PCDHGA8: variants seen among roughly 807,000 people sequenced by gnomAD.
PCDHGA8 encodes protocadherin gamma-A8.
A neutral mutation model predicts 59.2 loss-of-function variants in PCDHGA8; 45 were observed. That is an observed-to-expected ratio of 0.76 (90% confidence interval 0.60 to 0.98). PCDHGA8 has a LOEUF of 0.98. PCDHGA8 is among the 50% of genes least tolerant of loss of function. The probability of loss-of-function intolerance (pLI) is 0.00; values close to 1 mark genes in which losing one functional copy is unlikely to be tolerated. For synonymous variants in PCDHGA8, 531 were observed against 519.0 expected (o/e 1.02, Z -0.32); for missense variants, 1,257 against 1,196.2 (o/e 1.05, Z -0.75).
Position 141,414,991 on chromosome 5 carries a change from G to A in PCDHGA8, c.2424+19754G>A, listed in dbSNP as rs1162432290. ...GGTGGACAGAGACTCCGGCCAGAAC[G>A]CCTGGCTGTCCTACCGTCTGCTCAA... On this transcript the variant is annotated intron_variant, in intron 1 of 3. Transcript: ENST00000398604. 10 of 1,613,648 alleles carry A rather than the reference G, an allele frequency of 6.2e-6. No homozygotes were observed. The Admixed American group carries it at 1.2e-4, about 19-fold the overall frequency.
rs147783721 is a variant in PCDHGA8 at position 141,404,989 on chromosome 5, G to A, written c.2424+9752G>A. 5 of 1,614,046 alleles carry A rather than the reference G, an allele frequency of 3.1e-6. No homozygotes were observed. The South Asian group carries it at 4.4e-5, about 14-fold the overall frequency. On this transcript the variant is annotated intron_variant, in intron 1 of 3. Coordinates refer to ENST00000398604, the MANE Select transcript of PCDHGA8 (RefSeq NM_032088.2). The stretch of plus-strand genomic sequence containing the variant: ...TCCTGGCTGACCTGGGCAGTCTTCA[G>A]ATCCCTGCAGACCTGGAGGCCTCAG...
At chr5:141,397,756 A>AT (rs1283531463) in intron 1 of PCDHGA8, among the ~76,000 whole-genome samples, 1 of 152,210 alleles carries the variant, frequency 6.6e-6, no homozygotes, top group Admixed American at 6.5e-5. Context: ...AGTTGTTATA[A>AT]TTTTTTATTA....
Position 141,415,142 on chromosome 5 carries a change from C to A in PCDHGA8, c.2424+19905C>A, listed in dbSNP as rs757516335. On this transcript the variant is annotated intron_variant, in intron 1 of 3. Coordinates refer to ENST00000398604, the MANE Select transcript of PCDHGA8 (RefSeq NM_032088.2). The stretch of plus-strand genomic sequence containing the variant: ...GTGGCCGTCCAGGACCACGGCCAGC[C>A]CCCTCTCTCCGCCACTGTCACGCTC... 10 of 1,613,732 alleles carry A rather than the reference C, an allele frequency of 6.2e-6. 1 individual carries two copies. In the South Asian group the frequency reaches 1.1e-4, roughly 18 times the overall value.
chr5:141,468,681 A>G (rs1415798588), intron 1 of PCDHGA8: 1 of 151,830 alleles, frequency 6.6e-6, no homozygotes, highest in African/African-American at 2.4e-5. Flanking sequence ...CCTGGCTAAC[A>G]CGGTGAAACC....
intron 1 of PCDHGA8, chr5:141,398,010 G>T (rs10045443): frequency 0.24 from 331,899 of 1,407,782 alleles, 42,930 homozygotes; most frequent in African/African-American, 0.51. Flanking sequence ...AAAAAGAATC[G>T]TTTCCTAAAC....
rs1431851304 is a variant in PCDHGA8, at chr5:141,395,196, G to A, written c.2383G>A (p.Val795Ile). 5.0e-6 allele frequency: 8 copies of A among 1,613,948 alleles called. No individual in the cohort carries two copies. The highest frequency in any genetic ancestry group is 1.7e-5 in the Admixed American group (1 of 60,022). ...GAAAAATGATTCTTTGTTAACATCCGTAGATTTTCATGAATATAAGAATGA... is the reference window on the plus strand; with the variant it reads ...GAAAAATGATTCTTTGTTAACATCCATAGATTTTCATGAATATAAGAATGA... ...CEKNDSLLTS[V>I]DFHEYKNEAD... Residue 795 changes from valine to isoleucine, a missense_variant, in exon 1 of 4, where the codon GTA becomes ATA. Physicochemically the swap from Val to Ile is conservative, Grantham distance 29. Coordinates refer to ENST00000398604, the MANE Select transcript of PCDHGA8 (RefSeq NM_032088.2).
chr5:141,405,439 A>G (rs1285285172), intron 1 of PCDHGA8: 1 of 1,423,798 alleles, frequency 7.0e-7, no homozygotes, highest in Admixed American at 2.0e-5. Context: ...TTTGTTTTTG[A>G]GACAGAGTCT....
chr5:141,436,193 A>G (rs2097801112), intron 1 of PCDHGA8, among the ~76,000 whole-genome samples: 1 of 152,156 alleles, frequency 6.6e-6, no homozygotes, highest in South Asian at 2.1e-4. Flanking sequence ...AAATAGAAAG[A>G]AAGACATAAT....
chr5:141,409,781 G>A lies in PCDHGA8; in HGVS notation c.2424+14544G>A, dbSNP rs753415525. On this transcript the variant is annotated intron_variant, in intron 1 of 3. Transcript: ENST00000398604. ...CGCCTTTGATCACGAGCAGCTGCGC[G>A]CCTTCGCGCTCACGCTGCAGGCCCG... is the stretch of plus-strand genomic sequence containing the variant. The A allele has an allele frequency of 8.7e-6, 14 of 1,612,178 alleles. No individual in the cohort carries two copies. The highest frequency in any genetic ancestry group is 6.7e-5 in the Admixed American group (4 of 59,882).
Position 141,432,205 on chromosome 5 carries a change from A to G in PCDHGA8, c.2424+36968A>G, listed in dbSNP as rs764567227. 1 of 1,614,180 alleles carries G rather than the reference A, an allele frequency of 6.2e-7. No individual in the cohort carries two copies. Among genetic ancestry groups the G allele is most frequent in the South Asian group, 1.1e-5 (1 of 91,074 alleles). On this transcript the variant is annotated intron_variant, in intron 1 of 3. Transcript: ENST00000398604. This position sits in a 1 kb window ranked among gnomAD's most constrained non-coding sequence, Gnocchi z 6.0. The stretch of plus-strand genomic sequence containing the variant: ...TGACCGCCCACGACCCCGACTGTGA[A>G]GAGAACGCCCAGATCACTTATTCCC...
chr5:141,423,630 T>C, intron 1 of PCDHGA8: 1 of 1,603,994 alleles, frequency 6.2e-7, no homozygotes, highest in Non-Finnish European at 8.5e-7. Flanking sequence ...CAGCTATCAT[T>C]TTAGGCAAAT....
intron 1 of PCDHGA8, among the ~76,000 whole-genome samples, chr5:141,406,775 CACTT>C (rs2094850405): frequency 6.6e-6 from 1 of 152,200 alleles, no homozygotes; most frequent in Non-Finnish European, 1.5e-5. Context: ...ATATTTCTCT[CACTT>C]ATATATTATT....
At chr5:141,408,455 C>A in intron 1 of PCDHGA8, 1 of 1,614,050 alleles carries the variant, frequency 6.2e-7, no homozygotes, top group South Asian at 1.1e-5. Flanking sequence ...CGGGGACTTA[C>A]TTGTGAAGAA....
chr5:141,398,781 A>G, intron 1 of PCDHGA8: 1 of 1,613,934 alleles, frequency 6.2e-7, no homozygotes, highest in South Asian at 1.1e-5. Flanking sequence ...TGGACGGTGG[A>G]CATCCACCCC....
chr5:141,494,100 G>A (rs559145191), intron 1 of PCDHGA8, among the ~76,000 whole-genome samples: 7 of 152,270 alleles, frequency 4.6e-5, no homozygotes, highest in South Asian at 2.1e-4. Flanking sequence ...ATTTTTCTCC[G>A]TCTCAGACAG....
chr5:141,508,540 G>A (rs993826709), intron 3 of PCDHGA8, among the ~76,000 whole-genome samples: 3 of 152,144 alleles, frequency 2.0e-5, no homozygotes, highest in African/African-American at 4.8e-5. Flanking sequence ...CCCCCCACGA[G>A]GTGGGCGGGG....
chr5:141,420,076 T>A, intron 1 of PCDHGA8: 2 of 1,613,956 alleles, frequency 1.2e-6, no homozygotes, highest in Non-Finnish European at 1.7e-6. Context: ...GACCTGTGGG[T>A]CCCCCCAACT....
chr5:141,460,511 A>G (rs533913282), intron 1 of PCDHGA8, among the ~76,000 whole-genome samples: 2 of 152,286 alleles, frequency 1.3e-5, no homozygotes, highest in Admixed American at 1.3e-4. Context: ...TGAGAAGGCT[A>G]TCTTTTCCCC....
Position 141,451,680 on chromosome 5 carries a change from A to G in PCDHGA8, c.2425-43127A>G, listed in dbSNP as rs189200375. Among the ~76,000 whole-genome samples, 85 of 152,310 alleles carry G rather than the reference A, an allele frequency of 5.6e-4. 1 individual carries two copies. The East Asian group carries it at 0.012, about 21-fold the overall frequency. On this transcript the variant is annotated intron_variant, in intron 1 of 3. Coordinates refer to ENST00000398604, the MANE Select transcript of PCDHGA8 (RefSeq NM_032088.2). The stretch of plus-strand genomic sequence containing the variant: ...GTGGACTGCTTGAGCCCAGGAGTTC[A>G]AGACCAGCCTGGGTAACATGACAAA...
Sources: gnomAD v4.1 joint callset for allele counts (sites outside exome capture counted in the v4.1 genomes callset) on GRCh38, gnomAD v4.1.1 for gene constraint, Gnocchi (gnomAD v3.1) non-coding constraint, MANE v1.5 for transcripts, NCBI Gene and HGNC (gene_info 2026-07-23, HGNC 2026-07-21) for gene names.